The following MAL2 variants were observed in gnomAD, a reference collection of about 807,000 sequenced individuals.
MAL2 encodes protein MAL2.
A neutral mutation model predicts 18.1 loss-of-function variants in MAL2; 17 were observed. The observed-to-expected ratio is 0.94, with a 90% CI of 0.64 to 1.41. MAL2 has a LOEUF of 1.41. MAL2 is among the 40% of genes most tolerant of loss of function. The pLI is 0.00. For missense variants in MAL2, 222 were observed against 231.9 expected, an observed-to-expected ratio of 0.96 and a Z score of 0.28; for synonymous variants, 102 against 102.3, an observed-to-expected ratio of 1.00 and a Z score of 0.02.
chr8:119,209,622 A>C (rs1817240322), intron 1 of MAL2, among the ~76,000 whole-genome samples: 1 of 151,896 alleles, frequency 6.6e-6, no homozygotes, highest in African/African-American at 2.4e-5. Flanking sequence ...CTCTCCCCTC[A>C]CCCTGGCCTT....
chr8:119,208,448 G>C lies in MAL2; in HGVS notation c.-25G>C. The C allele has an allele frequency of 8.4e-7, 1 of 1,187,826 alleles. No homozygotes were observed. 73.6% of individuals were successfully genotyped at this position (1,187,826 alleles called of 1,614,324 possible). A position where few individuals can be genotyped will look rare whatever the true frequency, so the allele number is the denominator to read the frequency against. ...AGGCGGGAGGCGGCGGCGGCGCGCGGAGACGCAGCAGCGGCAGCGGCAGCA... is the reference window on the plus strand; with the variant it reads ...AGGCGGGAGGCGGCGGCGGCGCGCGCAGACGCAGCAGCGGCAGCGGCAGCA... On this transcript the variant is annotated 5_prime_UTR_variant, in exon 1 of 4. Transcript: ENST00000614891. This position sits in a 1 kb window ranked among gnomAD's most constrained non-coding sequence, Gnocchi z 4.3.
At chr8:119,232,017 CAG>C (rs1234322437) in intron 2 of MAL2, among the ~76,000 whole-genome samples, 1 of 151,964 alleles carries the variant, frequency 6.6e-6, no homozygotes, top group Non-Finnish European at 1.5e-5. Flanking sequence ...TAGTTAATAA[CAG>C]TGTATTATAT....
In MAL2 at chr8:119,240,304, T is replaced by TA; in HGVS notation, c.446dup (p.Asn149LysfsTer73). ...CTCCTGAGTGATAACCAGTATAACA[T>TA]AAACGTAGCAGCCTCAGTAAGTATT... On this transcript the variant is annotated frameshift_variant, in exon 3 of 4. Coordinates refer to ENST00000614891, the MANE Select transcript of MAL2 (RefSeq NM_052886.3). LOFTEE classifies it high-confidence loss of function. 1 of 1,613,454 alleles carries TA rather than the reference T, an allele frequency of 6.2e-7. No homozygotes were observed. Among genetic ancestry groups the TA allele is most frequent in the Non-Finnish European group, 8.5e-7 (1 of 1,179,630 alleles).
chr8:119,224,679 T>C (rs1254798159), intron 2 of MAL2, among the ~76,000 whole-genome samples: 1 of 152,170 alleles, frequency 6.6e-6, no homozygotes, highest in African/African-American at 2.4e-5. Flanking sequence ...GTAGTTTTTT[T>C]ATCCCTCCTT....
At chr8:119,238,095 A>C (rs1587142846) in intron 2 of MAL2, among the ~76,000 whole-genome samples, 1 of 152,370 alleles carries the variant, frequency 6.6e-6, no homozygotes, top group East Asian at 1.9e-4. Context: ...AAGTCTCAGG[A>C]TACAAAACCA....
Position 119,208,710 on chromosome 8 carries a change from CT to C in MAL2, c.132+108del. The C allele has an allele frequency of 8.3e-7, 1 of 1,211,478 alleles. No homozygotes were observed. The highest frequency in any genetic ancestry group is 1.0e-6 in the Non-Finnish European group (1 of 974,102). 75.0% of individuals were successfully genotyped at this position (1,211,478 alleles called of 1,614,324 possible). A position where few individuals can be genotyped will look rare whatever the true frequency, so the allele number is the denominator to read the frequency against. On this transcript the variant is annotated intron_variant, in intron 1 of 3. Coordinates refer to ENST00000614891, the MANE Select transcript of MAL2 (RefSeq NM_052886.3). The surrounding 1 kb of genome is among the most constrained non-coding windows in gnomAD (Gnocchi z 4.3). Reference sequence around the variant, plus strand: ...CTGCGTCCGCCCCCGGCCTCCTTCCCTTCGACGTGGCTTTGTCCTGCGCTCC... The same window carrying C: ...CTGCGTCCGCCCCCGGCCTCCTTCCCTCGACGTGGCTTTGTCCTGCGCTCC...
At position 119,208,507 on chromosome 8, in the gene MAL2, C is replaced by T. The variant is rs1817219282; in HGVS notation, c.35C>T (p.Pro12Leu). ...SAGGASVPPP[P>L]NPAVSFPPPR... ...GGCGGAGCGTCAGTCCCGCCGCCCC[C>T]GAACCCCGCCGTGTCCTTCCCGCCG... The change falls in exon 1 of 4, where the codon CCG (proline) becomes CTG (leucine). Residue 12 changes from proline (P) to leucine (L), a missense_variant. Transcript: ENST00000614891. This position sits in a 1 kb window ranked among gnomAD's most constrained non-coding sequence, Gnocchi z 4.3. 2 of 1,334,598 alleles carry T rather than the reference C, an allele frequency of 1.5e-6. No homozygotes were observed. Among genetic ancestry groups the T allele is most frequent in the Non-Finnish European group, 1.9e-6 (2 of 1,040,106 alleles). The allele number at this position is 1,334,598 out of a possible 1,614,324, so 82.7% of individuals were successfully genotyped here. A position where few individuals can be genotyped will look rare whatever the true frequency, so the allele number is the denominator to read the frequency against.
intron 1 of MAL2, among the ~76,000 whole-genome samples, chr8:119,220,242 G>T (rs1273192760): frequency 2.6e-5 from 4 of 152,156 alleles, no homozygotes; most frequent in African/African-American, 9.7e-5. Context: ...TCCTTTTTCT[G>T]TTGTGTCCCA....
Position 119,243,608 on chromosome 8 carries a change from G to C in MAL2, c.*120G>C, listed in dbSNP as rs1156479045. On this transcript the variant is annotated 3_prime_UTR_variant, in exon 4 of 4. Coordinates refer to ENST00000614891, the MANE Select transcript of MAL2 (RefSeq NM_052886.3). Reference sequence around the variant, plus strand: ...TTCCAAAAGTAATGTGTTTAGTAGAGAGAGACTCTAAGCTCAAGTTCTGGT... The same window carrying C: ...TTCCAAAAGTAATGTGTTTAGTAGACAGAGACTCTAAGCTCAAGTTCTGGT... 1.4e-6 allele frequency: 1 copy of C among 709,762 alleles called. No homozygotes were observed. 44.0% of individuals were successfully genotyped at this position (709,762 alleles called of 1,614,324 possible).
At chr8:119,228,557 T>C (rs1817644614) in intron 2 of MAL2, among the ~76,000 whole-genome samples, 1 of 152,006 alleles carries the variant, frequency 6.6e-6, no homozygotes, top group Non-Finnish European at 1.5e-5. Context: ...GCCATTCCTT[T>C]GTGCTATCAG....
chr8:119,240,263 C>A lies in MAL2; in HGVS notation c.402C>A (p.Thr134=). 1 of 1,613,654 alleles carries A rather than the reference C, an allele frequency of 6.2e-7. No homozygotes were observed. The highest frequency in any genetic ancestry group is 8.5e-7 in the Non-Finnish European group (1 of 1,179,816). Residue 134 remains threonine (T), a synonymous_variant, in exon 3 of 4, where the codon ACC becomes ACA. Transcript: ENST00000614891. ...TGCATGATTTGCATTGCAATACAAC[C>A]ATAACCGGGCAGCCACTCCTGAGTG... is the stretch of plus-strand genomic sequence containing the variant. The part of the protein sequence containing the change: ...TSLHDLHCNT[T]ITGQPLLSDN...
rs1818135279 is a variant in MAL2 at position 119,245,551 on chromosome 8, A to AT, written c.*2066dup. 2 of 152,622 alleles carry AT rather than the reference A, an allele frequency of 1.3e-5. No individual in the cohort carries two copies. Among genetic ancestry groups the AT allele is most frequent in the African/African-American group, 4.8e-5 (2 of 41,472 alleles). 9.5% of individuals were successfully genotyped at this position (152,622 alleles called of 1,614,324 possible). ...TGAACAAAAATTATGGCATTTAAGA[A>AT]TTTAACATGTCTTAGCTGTAAAAAT... is the stretch of plus-strand genomic sequence containing the variant. On this transcript the variant is annotated 3_prime_UTR_variant, in exon 4 of 4. Transcript: ENST00000614891.
At chr8:119,243,275 AAAAAC>A (rs1818084424) in intron 3 of MAL2, 137 bp from the exon 4 acceptor site, 9 of 572,968 alleles carry the variant, frequency 1.6e-5, no homozygotes, top group Non-Finnish European at 2.3e-5. Context: ...TCAAAAAAAA[AAAAAC>A]AATGTAAAAT....
intron 1 of MAL2, among the ~76,000 whole-genome samples, chr8:119,213,861 A>G (rs909494203): frequency 6.6e-6 from 1 of 152,202 alleles, no homozygotes; most frequent in African/African-American, 2.4e-5. Context: ...AAAGTTTCAT[A>G]AGGGAAAATA....
At chr8:119,225,542 C>T (rs1440818528) in intron 2 of MAL2, among the ~76,000 whole-genome samples, 1 of 152,070 alleles carries the variant, frequency 6.6e-6, no homozygotes, top group Non-Finnish European at 1.5e-5. Flanking sequence ...CGGTTGGTTC[C>T]AAGTCTTTGC....
intron 2 of MAL2, among the ~76,000 whole-genome samples, chr8:119,239,515 C>G (rs1817998593): frequency 6.6e-6 from 1 of 151,946 alleles, no homozygotes; most frequent in African/African-American, 2.4e-5. Context: ...GACTTGGAAC[C>G]AACCCAAATG....
intron 1 of MAL2, among the ~76,000 whole-genome samples, chr8:119,209,767 T>G (rs1817243005): frequency 6.6e-6 from 1 of 152,210 alleles, no homozygotes; most frequent in African/African-American, 2.4e-5. Context: ...CGGATTTGAA[T>G]CTGAAAGAGG....
chr8:119,208,825 C>G lies in MAL2; in HGVS notation c.132+221C>G. ...CGGGCACCTGCTCCCCCGCGGGCGA[C>G]GGAAATTGCCTGGGGAGGGCGAGTA... On this transcript the variant is annotated intron_variant, in intron 1 of 3. Transcript: ENST00000614891. This position sits in a 1 kb window ranked among gnomAD's most constrained non-coding sequence, Gnocchi z 4.3. The G allele has an allele frequency of 1.6e-6, 1 of 626,680 alleles. No individual in the cohort carries two copies. The highest frequency in any genetic ancestry group is 2.2e-6 in the Non-Finnish European group (1 of 447,904). The allele number at this position is 626,680 out of a possible 1,614,324, so 38.8% of individuals were successfully genotyped here.
chr8:119,218,856 A>G (rs867441352), intron 1 of MAL2, among the ~76,000 whole-genome samples: 13 of 152,152 alleles, frequency 8.5e-5, no homozygotes, highest in South Asian at 6.2e-4. Flanking sequence ...ATTATCCTTT[A>G]TATTTGCACA....
Sources: allele counts gnomAD v4.1 joint callset (sites outside exome capture counted in the v4.1 genomes callset), GRCh38; gene constraint gnomAD v4.1.1; non-coding constraint Gnocchi (gnomAD v3.1); transcripts MANE v1.5; gene names NCBI Gene and HGNC (gene_info 2026-07-23, HGNC 2026-07-21).